NOX4: variants seen among roughly 807,000 people sequenced by gnomAD.
NOX4 encodes kidney oxidase-1.
A neutral mutation model predicts 87.6 loss-of-function variants in NOX4; 69 were observed. The ratio of observed to expected loss-of-function variants is 0.79; its 90% CI spans 0.65 to 0.96. The LOEUF (loss-of-function observed/expected upper bound fraction) is 0.96. Among genes scored for constraint, NOX4 ranks in the 40% least tolerant of loss-of-function variants. The probability of loss-of-function intolerance (pLI) is 0.00; values close to 1 mark genes in which losing one functional copy is unlikely to be tolerated. For missense variants in NOX4, 680 were observed against 681.5 expected, an observed-to-expected ratio of 1.00 and a Z score of 0.02; for synonymous variants, 275 against 238.2, an observed-to-expected ratio of 1.15 and a Z score of -1.42.
chr11:89,423,725 C>T (rs77273516), intron 7 of NOX4, among the ~76,000 whole-genome samples: 1 of 151,702 alleles, frequency 6.6e-6, no homozygotes. Flanking sequence ...TGTCTGAGAA[C>T]GTTGTTGAAA....
the NOX4 span, among the ~76,000 whole-genome samples, chr11:89,544,912 C>T: frequency 6.6e-6 from 1 of 152,086 alleles, no homozygotes. Context: ...GACCCAATTA[C>T]TGAATGTACC....
chr11:89,513,884 A>G, the NOX4 span, among the ~76,000 whole-genome samples: 3 of 152,054 alleles, frequency 2.0e-5, no homozygotes, highest in Non-Finnish European at 2.9e-5. Context: ...ATCATTTTTA[A>G]AAATAATATT....
chr11:89,421,056 G>A (rs754188136), intron 8 of NOX4, among the ~76,000 whole-genome samples: 1 of 152,170 alleles, frequency 6.6e-6, no homozygotes, highest in Non-Finnish European at 1.5e-5. Flanking sequence ...GCTACATGAA[G>A]GAGTGGGGGT....
chr11:89,560,996 C>CTATATATATATATATA, the NOX4 span, among the ~76,000 whole-genome samples: 1 of 40,822 alleles, frequency 2.4e-5, no homozygotes, highest in African/African-American at 1.3e-4. Flanking sequence ...CTCTCTCTCT[C>CTATATATATATATATA]TATATATATA....
At chr11:89,357,886 A>C (rs1938190983) in intron 12 of NOX4, among the ~76,000 whole-genome samples, 1 of 152,134 alleles carries the variant, frequency 6.6e-6, no homozygotes, top group South Asian at 2.1e-4. Flanking sequence ...ACATATTGAC[A>C]GGACTAAAAA....
chr11:89,517,976 C>T, the NOX4 span, among the ~76,000 whole-genome samples: 2,267 of 152,064 alleles, frequency 0.015, 46 homozygotes, highest in African/African-American at 0.047. Context: ...CTATATCTAG[C>T]CTTAATAAAG....
the NOX4 span, among the ~76,000 whole-genome samples, chr11:89,509,636 A>G: frequency 1.3e-5 from 2 of 152,066 alleles, no homozygotes; most frequent in Admixed American, 1.3e-4. Flanking sequence ...ATTTAAACTA[A>G]ATTTTGCCAA....
the NOX4 span, among the ~76,000 whole-genome samples, chr11:89,532,859 G>A: frequency 3.3e-5 from 5 of 152,042 alleles, no homozygotes; most frequent in Admixed American, 2.6e-4. Context: ...CGATCTGATG[G>A]TTTAAAAGTG....
At chr11:89,567,135 T>C in the NOX4 span, among the ~76,000 whole-genome samples, 9 of 152,302 alleles carry the variant, frequency 5.9e-5, no homozygotes, top group Admixed American at 2.6e-4. Context: ...CAGTCTGATC[T>C]GAACACACCC....
At position 89,384,384 on chromosome 11, in the gene NOX4, C is replaced by T. The variant is rs117506966; in HGVS notation, c.1075-10892G>A. Among the ~76,000 whole-genome samples the T allele has an allele frequency of 1.2e-3, 183 of 152,160 alleles. 4 individuals are homozygous for T. The East Asian group carries it at 0.031, about 26-fold the overall frequency. ...CTTCACGGACAGCCCCCATTACTTC[C>T]GTCAAGCCTAAATTTCTTCCTCATC... On this transcript the variant is annotated intron_variant, in intron 11 of 17. Coordinates refer to ENST00000263317, the MANE Select transcript of NOX4 (RefSeq NM_016931.5).
At chr11:89,508,152 A>C in the NOX4 span, among the ~76,000 whole-genome samples, 23 of 152,090 alleles carry the variant, frequency 1.5e-4, no homozygotes, top group Non-Finnish European at 2.9e-5. Flanking sequence ...ACTGTTAGCT[A>C]TGAGAATCTT....
At chr11:89,459,840 C>A (rs1176196618) in intron 2 of NOX4, among the ~76,000 whole-genome samples, 1 of 152,094 alleles carries the variant, frequency 6.6e-6, no homozygotes, top group Non-Finnish European at 1.5e-5. Flanking sequence ...CAAAAAAGAG[C>A]CCACAATTCC....
chr11:89,443,701 A>G (rs1201015213), intron 5 of NOX4: 2 of 153,520 alleles, frequency 1.3e-5, no homozygotes, highest in African/African-American at 4.8e-5. Flanking sequence ...ACTCACTAAC[A>G]TTTTTTAAGT....
At chr11:89,587,974 GA>G in the NOX4 span, among the ~76,000 whole-genome samples, 1 of 152,148 alleles carries the variant, frequency 6.6e-6, no homozygotes, top group Admixed American at 6.5e-5. Context: ...ATTTCTGGGG[GA>G]AAAAATCCCA....
chr11:89,586,791 G>C, the NOX4 span, among the ~76,000 whole-genome samples: 2 of 152,216 alleles, frequency 1.3e-5, no homozygotes, highest in East Asian at 3.9e-4. Context: ...AAATTTACCA[G>C]GTGGGAAAAT....
intron 2 of NOX4, among the ~76,000 whole-genome samples, chr11:89,455,683 A>G (rs558156096): frequency 6.6e-6 from 1 of 150,638 alleles, no homozygotes; most frequent in African/African-American, 2.4e-5. Flanking sequence ...TGAAGTGGTC[A>G]CTGAAAACTC....
At chr11:89,488,590 A>G (rs1591374485) in intron 2 of NOX4, among the ~76,000 whole-genome samples, 1 of 152,182 alleles carries the variant, frequency 6.6e-6, no homozygotes, top group Non-Finnish European at 1.5e-5. Flanking sequence ...TATCTCACAA[A>G]GCTAAAATCC....
At chr11:89,447,765 C>G (rs1354972944) in intron 4 of NOX4, among the ~76,000 whole-genome samples, 2 of 152,076 alleles carry the variant, frequency 1.3e-5, no homozygotes, top group Admixed American at 6.6e-5. Context: ...CCATTTCTGA[C>G]CTTTCACTCT....
the NOX4 span, among the ~76,000 whole-genome samples, chr11:89,531,709 G>T: frequency 2.6e-5 from 4 of 152,180 alleles, no homozygotes; most frequent in African/African-American, 7.2e-5. Flanking sequence ...GACATGCCTT[G>T]CTTCCTCTTC....
Sources: gnomAD v4.1 joint callset for allele counts (sites outside exome capture counted in the v4.1 genomes callset) on GRCh38, gnomAD v4.1.1 for gene constraint, MANE v1.5 for transcripts, NCBI Gene and HGNC (gene_info 2026-07-23, HGNC 2026-07-21) for gene names.